RORB: variants seen among roughly 807,000 people sequenced by gnomAD.
RORB encodes RAR related orphan receptor B.
RORB carries 6 observed loss-of-function variants against 59.1 expected under a neutral mutation model. The ratio of observed to expected loss-of-function variants is 0.10; its 90% confidence interval spans 0.06 to 0.20. The LOEUF is 0.20. RORB is among the 10% of genes least tolerant of loss of function. The pLI is 1.00. For synonymous variants in RORB, 215 were observed against 204.5 expected (o/e 1.05, Z -0.44); for missense variants, 320 against 560.5 (o/e 0.57, Z 4.33).
chr9:74,498,022 G>T lies in RORB; in HGVS notation c.7+39G>T, dbSNP rs200653367. 4.4e-6 allele frequency: 7 copies of T among 1,601,568 alleles called. No homozygotes were observed. The Admixed American group carries it at 1.2e-4, about 27-fold the overall frequency. ...CGGGCACCGAGGCTCCCCGAGTCCGGCCAACTCCAGCCAGACGGGGAGATG... is the reference window on the plus strand; with the variant it reads ...CGGGCACCGAGGCTCCCCGAGTCCGTCCAACTCCAGCCAGACGGGGAGATG... On this transcript the variant is annotated intron_variant, in intron 1 of 9. Coordinates refer to ENST00000376896, the MANE Select transcript of RORB (RefSeq NM_006914.4).
intron 2 of RORB, among the ~76,000 whole-genome samples, chr9:74,632,292 C>A (rs1478302470): frequency 6.6e-6 from 1 of 152,120 alleles, no homozygotes; most frequent in East Asian, 1.9e-4. Context: ...ATGAAGCATA[C>A]TCTGAGGTTT....
At chr9:74,502,163 T>C (rs1036657960) in intron 1 of RORB, among the ~76,000 whole-genome samples, 7 of 152,084 alleles carry the variant, frequency 4.6e-5, no homozygotes, top group African/African-American at 1.7e-4. Context: ...TATTCAGGAG[T>C]GTATTTGCAT....
At chr9:74,586,233 C>A (rs888892612) in intron 1 of RORB, among the ~76,000 whole-genome samples, 5 of 152,126 alleles carry the variant, frequency 3.3e-5, no homozygotes, top group Non-Finnish European at 5.9e-5. Flanking sequence ...TGCAGTCGCT[C>A]ATGCCTGTAA....
intron 9 of RORB, among the ~76,000 whole-genome samples, chr9:74,675,441 A>G (rs900110718): frequency 2.6e-5 from 4 of 152,092 alleles, no homozygotes; most frequent in African/African-American, 7.2e-5. Flanking sequence ...GTTGGACTGC[A>G]TGGTCTTTAA....
At chr9:74,543,452 A>G (rs1379943021) in intron 1 of RORB, among the ~76,000 whole-genome samples, 1 of 152,064 alleles carries the variant, frequency 6.6e-6, no homozygotes, top group Non-Finnish European at 1.5e-5. Context: ...ATTCTTTATT[A>G]TTTCATTCAA....
At chr9:74,533,388 T>G (rs1826275631) in intron 1 of RORB, among the ~76,000 whole-genome samples, 1 of 151,994 alleles carries the variant, frequency 6.6e-6, no homozygotes, top group Admixed American at 6.6e-5. Flanking sequence ...ATTTTTGAAA[T>G]GTTCTGTAAA....
At chr9:74,640,038 CAAACAAAGTTAA>C (rs1823771901) in intron 3 of RORB, among the ~76,000 whole-genome samples, 1 of 152,096 alleles carries the variant, frequency 6.6e-6, no homozygotes, top group Non-Finnish European at 1.5e-5. Context: ...AGTGTCTCTA[CAAACAAAGTTAA>C]AAACAACCAT....
At chr9:74,533,532 A>G (rs1263883158) in intron 1 of RORB, among the ~76,000 whole-genome samples, 1 of 152,084 alleles carries the variant, frequency 6.6e-6, no homozygotes, top group Non-Finnish European at 1.5e-5. Flanking sequence ...TCCAAGAGTT[A>G]ACCAGGTCTA....
chr9:74,550,387 C>A (rs1826588582), intron 1 of RORB, among the ~76,000 whole-genome samples: 1 of 152,202 alleles, frequency 6.6e-6, no homozygotes, highest in African/African-American at 2.4e-5. Context: ...ATCAGGATAA[C>A]CTGAACTCTA....
chr9:74,519,288 G>A (rs1587338314), intron 1 of RORB, among the ~76,000 whole-genome samples: 1 of 151,990 alleles, frequency 6.6e-6, no homozygotes, highest in Non-Finnish European at 1.5e-5. Flanking sequence ...ACGCATGCAC[G>A]CGGGAAGTAT....
At chr9:74,662,652 G>A (rs1464551973) in intron 6 of RORB, 46 bp downstream of exon 6, 1 of 1,601,958 alleles carries the variant, frequency 6.2e-7, no homozygotes, top group South Asian at 1.1e-5. Context: ...TAAGGATGTG[G>A]TCAGCCCTTA....
At chr9:74,608,084 G>C (rs1194264833) in intron 1 of RORB, among the ~76,000 whole-genome samples, 2 of 152,086 alleles carry the variant, frequency 1.3e-5, no homozygotes, top group Non-Finnish European at 2.9e-5. Flanking sequence ...CATGAAGTAA[G>C]GTTCTTAACT....
chr9:74,645,370 A>G (rs112388135), intron 4 of RORB, among the ~76,000 whole-genome samples: 1 of 152,192 alleles, frequency 6.6e-6, no homozygotes, highest in South Asian at 2.1e-4. Flanking sequence ...GCAGGAAGGC[A>G]TCTGTGGTAT....
Position 74,667,810 on chromosome 9 carries a change from T to C in RORB, c.1020T>C (p.Asn340=), listed in dbSNP as rs574548178. 2 of 1,612,078 alleles carry C rather than the reference T, an allele frequency of 1.2e-6. No homozygotes were observed. Among genetic ancestry groups the C allele is most frequent in the African/African-American group, 2.7e-5 (2 of 75,018 alleles). ...FKALGSDDLV[N]EAFDFAKNLC... ...TTATAGGTTCTGATGACCTAGTGAA[T>C]GAAGCATTTGACTTTGCAAAGAATT... Residue 340 remains asparagine (N), a synonymous_variant, in exon 8 of 10, where the codon AAT becomes AAC. Coordinates refer to ENST00000376896, the MANE Select transcript of RORB (RefSeq NM_006914.4).
At chr9:74,608,336 C>G (rs979137540) in intron 1 of RORB, among the ~76,000 whole-genome samples, 1 of 152,072 alleles carries the variant, frequency 6.6e-6, no homozygotes, top group Admixed American at 6.5e-5. Flanking sequence ...GAGGCCGAGG[C>G]GGGCGGATCA....
chr9:74,630,507 T>G, intron 2 of RORB, 140 bp downstream of exon 2: 41 of 399,686 alleles, frequency 1.0e-4, no homozygotes, highest in East Asian at 1.8e-4. Flanking sequence ...TCTTGCGTGG[T>G]GGGTGGGAGG....
At chr9:74,519,720 G>A (rs1256144823) in intron 1 of RORB, among the ~76,000 whole-genome samples, 1 of 151,924 alleles carries the variant, frequency 6.6e-6, no homozygotes, top group East Asian at 1.9e-4. Flanking sequence ...GGGTTCATTG[G>A]TTTTTATTCT....
At chr9:74,617,780 G>T (rs562684126) in intron 1 of RORB, among the ~76,000 whole-genome samples, 1 of 152,240 alleles carries the variant, frequency 6.6e-6, no homozygotes, top group African/African-American at 2.4e-5. Flanking sequence ...GCAATTTCTG[G>T]TGTGGTGTGC....
chr9:74,574,270 A>G (rs1275673556), intron 1 of RORB, among the ~76,000 whole-genome samples: 2 of 152,124 alleles, frequency 1.3e-5, no homozygotes, highest in South Asian at 2.1e-4. Flanking sequence ...TCCTCCGTAA[A>G]TACAATGTCA....
Sources: gnomAD v4.1 joint callset for allele counts (sites outside exome capture counted in the v4.1 genomes callset) on GRCh38, gnomAD v4.1.1 for gene constraint, MANE v1.5 for transcripts, NCBI Gene and HGNC (gene_info 2026-07-23, HGNC 2026-07-21) for gene names.